PSMG4: variants seen among roughly 807,000 people sequenced by gnomAD.
PSMG4 encodes the protein proteasome assembly chaperone 4.
PSMG4 carries 10 observed loss-of-function variants against 11.0 expected under a neutral mutation model. That is an observed-to-expected ratio of 0.91 (90% CI 0.56 to 1.54). The LOEUF (loss-of-function observed/expected upper bound fraction) is 1.54, where lower values mean the gene tolerates loss of function less well. Ranked by LOEUF, PSMG4 falls within the 40% of genes most tolerant of loss-of-function variation. PSMG4 has a pLI of 0.00. For synonymous variants in PSMG4, 95 were observed against 71.3 expected, an observed-to-expected ratio of 1.33 and a Z score of -1.68; for missense variants, 198 against 160.9, an observed-to-expected ratio of 1.23 and a Z score of -1.25.
At chr6:3,255,015 C>T (rs552023949), upstream of PSMG4, 300 of 1,544,698 alleles carry the variant, frequency 1.9e-4, 1 homozygote, top group South Asian at 1.9e-3. Flanking sequence ...CATGTGGGAG[C>T]GCTGGGATAA....
In PSMG4 at chr6:3,262,290, C is replaced by T. The variant is rs569241099; in HGVS notation, c.175-1394C>T. On this transcript the variant is annotated intron_variant, in intron 1 of 2. Transcript: ENST00000438998. ...AAGTAATGAACTATTAAGGGTGACA[C>T]GATGGGGCTTTACATTTAACTTTTG... 3.3e-5 allele frequency among the ~76,000 whole-genome samples: 5 copies of T among 152,250 alleles called. 1 individual carries two copies. Among genetic ancestry groups the T allele is most frequent in the Non-Finnish European group, 5.9e-5 (4 of 68,012 alleles).
chr6:3,261,642 C>G (rs1757994691), intron 1 of PSMG4, among the ~76,000 whole-genome samples: 1 of 152,204 alleles, frequency 6.6e-6, no homozygotes, highest in South Asian at 2.1e-4. Flanking sequence ...TCACTGGCCG[C>G]AGTGTGCCTG....
rs768727783 is a variant in PSMG4 at position 3,259,131 on chromosome 6, C to T, written c.109C>T (p.Leu37=). 1.9e-5 allele frequency: 24 copies of T among 1,293,894 alleles called. No individual in the cohort carries two copies. In the Admixed American group the frequency reaches 4.5e-4, roughly 24 times the overall value. 80.2% of individuals were successfully genotyped at this position (1,293,894 alleles called of 1,614,324 possible). ...CCACGTCATGCGGCTGACGGACTCG[C>T]TGTTCCTGTGGGTGGGGGCCACGCC... ...HFHVMRLTDS[L]FLWVGATPHL... The change falls in exon 1 of 3, where the codon CTG becomes TTG. Residue 37 remains leucine (L), a synonymous_variant. Coordinates refer to ENST00000438998, the MANE Select transcript of PSMG4 (RefSeq NM_001128591.2).
upstream of PSMG4, chr6:3,255,257 T>C (rs1757720136): frequency 6.5e-7 from 1 of 1,547,294 alleles, no homozygotes; most frequent in Non-Finnish European, 8.7e-7. Context: ...TTGGGTTCTG[T>C]GTTACCACGG....
At position 3,259,144 on chromosome 6, in the gene PSMG4, T is replaced by TG. The variant is rs1452754649; in HGVS notation, c.127dup (p.Ala43GlyfsTer54). On this transcript the variant is annotated frameshift_variant, in exon 1 of 3. Coordinates refer to ENST00000438998, the MANE Select transcript of PSMG4 (RefSeq NM_001128591.2). LOFTEE classifies it high-confidence loss of function. ...CTGACGGACTCGCTGTTCCTGTGGGTGGGGGCCACGCCGCACCTGCGCAAC... is the reference window on the plus strand; with the variant it reads ...CTGACGGACTCGCTGTTCCTGTGGGTGGGGGGCCACGCCGCACCTGCGCAAC... The TG allele has an allele frequency of 7.7e-7, 1 of 1,301,672 alleles. No individual in the cohort carries two copies. 80.6% of individuals were successfully genotyped at this position (1,301,672 alleles called of 1,614,324 possible).
In PSMG4 at chr6:3,259,213, C is replaced by A; in HGVS notation, c.174+17C>A. Reference sequence around the variant, plus strand: ...AGCCGCTACGTGAGTGCCTGGCGGCCGAGGGTGCGGGCGGCGGGGCGGGGG... The same window carrying A: ...AGCCGCTACGTGAGTGCCTGGCGGCAGAGGGTGCGGGCGGCGGGGCGGGGG... On this transcript the variant is annotated intron_variant, in intron 1 of 2. Transcript: ENST00000438998. 7.9e-7 allele frequency: 1 copy of A among 1,273,280 alleles called. No individual in the cohort carries two copies. Among genetic ancestry groups the A allele is most frequent in the Non-Finnish European group, 9.9e-7 (1 of 1,011,872 alleles). 78.9% of individuals were successfully genotyped at this position (1,273,280 alleles called of 1,614,324 possible). A position where few individuals can be genotyped will look rare whatever the true frequency, so the allele number is the denominator to read the frequency against.
chr6:3,260,291 A>ATTTT lies in PSMG4; in HGVS notation c.174+1110_174+1113dup, dbSNP rs869076629. On this transcript the variant is annotated intron_variant, in intron 1 of 2. Transcript: ENST00000438998. ...TGTCTTAAATTGTATATATATATATATTTTTTTTTTTTTTTTTTGAAGCAA... is the reference window on the plus strand; with the variant it reads ...TGTCTTAAATTGTATATATATATATATTTTTTTTTTTTTTTTTTTTTTGAAGCAA... Among the ~76,000 whole-genome samples, 17 of 70,834 alleles carry ATTTT rather than the reference A, an allele frequency of 2.4e-4. 1 individual carries two copies. Among genetic ancestry groups the ATTTT allele is most frequent in the Admixed American group, 4.2e-4 (2 of 4,742 alleles). The allele number at this position is 70,834 out of a possible 152,430, so 46.5% of individuals were successfully genotyped here. A position where few individuals can be genotyped will look rare whatever the true frequency, so the allele number is the denominator to read the frequency against.
intron 1 of PSMG4, among the ~76,000 whole-genome samples, chr6:3,263,236 T>C (rs1758058020): frequency 6.6e-6 from 1 of 152,182 alleles, no homozygotes; most frequent in Admixed American, 6.5e-5. Context: ...CCTCACAGGC[T>C]GAGATGAGGA....
upstream of PSMG4, among the ~76,000 whole-genome samples, chr6:3,255,772 A>C (rs1199041817): frequency 1.3e-5 from 2 of 152,358 alleles, no homozygotes; most frequent in South Asian, 2.1e-4. Context: ...TATTCTGTGG[A>C]ATGTCCAGAG....
At chr6:3,255,031 CTT>C (rs2127251463), upstream of PSMG4, 1 of 1,549,388 alleles carries the variant, frequency 6.5e-7, no homozygotes, top group African/African-American at 1.4e-5. Context: ...GATAATGGCG[CTT>C]TCTGATTCTC....
At chr6:3,264,286 T>G in intron 2 of PSMG4, 1 of 1,551,318 alleles carries the variant, frequency 6.4e-7, no homozygotes, top group East Asian at 2.4e-5. Context: ...GGCTGAATGC[T>G]CCACTCTTCC....
upstream of PSMG4, among the ~76,000 whole-genome samples, chr6:3,258,146 C>G (rs147120631): frequency 2.0e-5 from 3 of 147,396 alleles, no homozygotes; most frequent in East Asian, 2.0e-4. Context: ...CTGAAGTGTT[C>G]AAGGGGTCTC....
At chr6:3,255,855 C>G (rs1470311750), upstream of PSMG4, among the ~76,000 whole-genome samples, 2 of 97,354 alleles carry the variant, frequency 2.1e-5, no homozygotes, top group Non-Finnish European at 5.0e-5. Context: ...GTCCATCTCA[C>G]GTGAATGCAA....
chr6:3,254,541 G>A (rs1397011308), upstream of PSMG4, among the ~76,000 whole-genome samples: 1 of 152,120 alleles, frequency 6.6e-6, no homozygotes. Flanking sequence ...TATCTGGAAG[G>A]TGTGCAGATT....
chr6:3,264,403 A>G (rs960309034), intron 2 of PSMG4: 1 of 1,496,832 alleles, frequency 6.7e-7, no homozygotes, highest in Non-Finnish European at 8.9e-7. Flanking sequence ...TCTCCTGCCC[A>G]GGCCTGGCGT....
intron 2 of PSMG4, 46 bp downstream of exon 2, chr6:3,263,805 A>G (rs1758083664): frequency 2.6e-6 from 4 of 1,534,700 alleles, no homozygotes; most frequent in African/African-American, 2.8e-5. Flanking sequence ...GGTGGGGCCC[A>G]CTCTTTAATG....
upstream of PSMG4, among the ~76,000 whole-genome samples, chr6:3,255,694 G>A (rs1448842796): frequency 3.9e-5 from 6 of 152,204 alleles, no homozygotes; most frequent in Non-Finnish European, 8.8e-5. Context: ...CCCTCCTATG[G>A]CCAAAAGCAG....
intron 2 of PSMG4, chr6:3,264,609 AC>A: frequency 3.3e-6 from 1 of 302,058 alleles, no homozygotes; most frequent in Non-Finnish European, 5.5e-6. Context: ...TGTGGATAGG[AC>A]AGAGGTCAGG....
upstream of PSMG4, among the ~76,000 whole-genome samples, chr6:3,257,480 C>T (rs182460859): frequency 2.6e-4 from 39 of 152,256 alleles, no homozygotes; most frequent in Admixed American, 1.7e-3. Flanking sequence ...ATCTTTGGGT[C>T]CTCCTAGCTG....
Sources: gnomAD v4.1 joint callset for allele counts (sites outside exome capture counted in the v4.1 genomes callset) on GRCh38, gnomAD v4.1.1 for gene constraint, MANE v1.5 for transcripts, NCBI Gene and HGNC (gene_info 2026-07-23, HGNC 2026-07-21) for gene names.